Variants in AFF2 observed in about 807,000 individuals in gnomAD.
AFF2 encodes ALF transcription elongation factor 2.
Under a neutral mutation model 76.9 loss-of-function variants are expected in AFF2, and 14 were observed. The observed-to-expected ratio is 0.18, with a 90% CI of 0.12 to 0.28. AFF2 has a LOEUF of 0.28. Among genes scored for constraint, AFF2 ranks in the 10% least tolerant of loss-of-function variants. The pLI is 1.00. For missense variants in AFF2, 868 were observed against 1,001.1 expected (o/e 0.87, Z 1.79); for synonymous variants, 398 against 366.7 (o/e 1.09, Z -0.98).
chrX:148,817,276 A>G (rs1241931324), intron 4 of AFF2, among the ~76,000 whole-genome samples: 2 of 111,968 alleles, frequency 1.8e-5, no homozygotes, highest in Non-Finnish European at 3.8e-5. Context: ...AATACATAAA[A>G]CAAGAACTAA....
At chrX:148,728,044 A>C (rs112133568) in intron 3 of AFF2, among the ~76,000 whole-genome samples, 2 of 112,571 alleles carry the variant, frequency 1.8e-5, no homozygotes, top group African/African-American at 6.4e-5. Flanking sequence ...ATCTCAACTT[A>C]ACACTATTCC....
chrX:148,707,668 T>G (rs892144533), intron 3 of AFF2, among the ~76,000 whole-genome samples: 3 of 110,580 alleles, frequency 2.7e-5, no homozygotes, highest in Non-Finnish European at 5.7e-5. Context: ...TCAAACTGAG[T>G]CTCCAAGGGA....
chrX:148,953,797 C>T (rs1187749527), intron 10 of AFF2, 58 bp downstream of exon 10: 2 of 872,759 alleles, frequency 2.3e-6, no homozygotes, highest in African/African-American at 2.3e-5. Flanking sequence ...GCAGCACCCT[C>T]AACACACACA....
intron 7 of AFF2, among the ~76,000 whole-genome samples, chrX:148,866,932 G>A (rs1336212192): frequency 1.8e-5 from 2 of 111,843 alleles, no homozygotes; most frequent in African/African-American, 3.3e-5. Flanking sequence ...TAGGAAAACC[G>A]AGGGATTCGA....
intron 3 of AFF2, among the ~76,000 whole-genome samples, chrX:148,763,389 G>A (rs2069475079): frequency 9.0e-6 from 1 of 111,083 alleles, no homozygotes; most frequent in African/African-American, 3.3e-5. Flanking sequence ...TATTAGTTTT[G>A]GGATGCTATA....
At chrX:148,856,768 T>C (rs1379737176) in intron 7 of AFF2, among the ~76,000 whole-genome samples, 1 of 112,840 alleles carries the variant, frequency 8.9e-6, no homozygotes, top group African/African-American at 3.2e-5. Context: ...TTGAAATATA[T>C]AACAAGCATG....
intron 3 of AFF2, among the ~76,000 whole-genome samples, chrX:148,806,815 G>A (rs1344427055): frequency 5.4e-5 from 6 of 111,939 alleles, no homozygotes; most frequent in African/African-American, 9.8e-5. Context: ...CTGAGACTCC[G>A]AGTGATTTGT....
intron 8 of AFF2, among the ~76,000 whole-genome samples, chrX:148,889,767 T>G (rs1288017294): frequency 1.8e-5 from 2 of 111,551 alleles, no homozygotes; most frequent in Non-Finnish European, 3.8e-5. Flanking sequence ...CGGACATGGC[T>G]TTGAATTCTA....
At chrX:148,720,104 G>A (rs782344500) in intron 3 of AFF2, among the ~76,000 whole-genome samples, 7 of 109,535 alleles carry the variant, frequency 6.4e-5, no homozygotes, top group African/African-American at 2.0e-4. Flanking sequence ...CCTACTTTTT[G>A]CTTGGTTCCT....
At chrX:148,862,142 A>G (rs1347960481) in intron 7 of AFF2, among the ~76,000 whole-genome samples, 1 of 111,316 alleles carries the variant, frequency 9.0e-6, no homozygotes, top group Non-Finnish European at 1.9e-5. Flanking sequence ...CAGGGACTGG[A>G]TGTGCTTAAG....
chrX:148,726,233 T>C (rs1296500782), intron 3 of AFF2, among the ~76,000 whole-genome samples: 3 of 111,893 alleles, frequency 2.7e-5, no homozygotes, highest in African/African-American at 9.7e-5. Flanking sequence ...GCCACATACG[T>C]GCAATATTTC....
chrX:148,746,257 G>A (rs1477229202), intron 3 of AFF2, among the ~76,000 whole-genome samples: 1 of 111,885 alleles, frequency 8.9e-6, no homozygotes, highest in Admixed American at 9.5e-5. Flanking sequence ...GCTTTTCACT[G>A]AAAATTCCAT....
chrX:148,581,108 CATACGTATACACACATATACGT>C (rs1299691361), intron 1 of AFF2, among the ~76,000 whole-genome samples: 13 of 79,809 alleles, frequency 1.6e-4, no homozygotes, highest in Non-Finnish European at 2.5e-4. Context: ...TATATATACA[CATACGTATACACACATATACGT>C]ATACGTATAC....
intron 3 of AFF2, among the ~76,000 whole-genome samples, chrX:148,778,354 A>G (rs1283102517): frequency 2.7e-5 from 3 of 111,584 alleles, no homozygotes; most frequent in Non-Finnish European, 5.6e-5. Context: ...AATCAGGATG[A>G]TGACGGTGTC....
chrX:148,546,506 C>T (rs963922139), intron 1 of AFF2, among the ~76,000 whole-genome samples: 1 of 112,388 alleles, frequency 8.9e-6, no homozygotes, highest in Admixed American at 9.4e-5. Flanking sequence ...CTTTCTGCAT[C>T]ACTTCCCCAT....
At chrX:148,726,341 T>A (rs1336733032) in intron 3 of AFF2, among the ~76,000 whole-genome samples, 1 of 111,747 alleles carries the variant, frequency 8.9e-6, no homozygotes, top group East Asian at 2.8e-4. Flanking sequence ...AATTTCAGAT[T>A]CCCAGAGGGA....
intron 1 of AFF2, among the ~76,000 whole-genome samples, chrX:148,636,721 G>C (rs935068401): frequency 9.0e-6 from 1 of 111,542 alleles, no homozygotes; most frequent in Non-Finnish European, 1.9e-5. Context: ...TCTAAAAGTT[G>C]TGTGTGAAAT....
chrX:148,757,940 C>G (rs1393789614), intron 3 of AFF2, among the ~76,000 whole-genome samples: 1 of 112,394 alleles, frequency 8.9e-6, no homozygotes, highest in African/African-American at 3.2e-5. Flanking sequence ...ATGCAATGTC[C>G]TAAATGCTAC....
At chrX:148,634,781 G>C (rs2054013717) in intron 1 of AFF2, among the ~76,000 whole-genome samples, 1 of 112,102 alleles carries the variant, frequency 8.9e-6, no homozygotes, top group Non-Finnish European at 1.9e-5. Flanking sequence ...TTGCAGAGCT[G>C]AAGTGGCTCA....
Sources: gnomAD v4.1 joint callset for allele counts (sites outside exome capture counted in the v4.1 genomes callset) on GRCh38, gnomAD v4.1.1 for gene constraint, MANE v1.5 for transcripts, NCBI Gene and HGNC (gene_info 2026-07-23, HGNC 2026-07-21) for gene names.